GPKOW: variants seen among roughly 807,000 people sequenced by gnomAD.
GPKOW encodes the protein G-patch domain and KOW motifs-containing protein.
For synonymous variants in GPKOW, 167 were observed against 159.1 expected (o/e 1.05, Z -0.37); for missense variants, 359 against 404.7 (o/e 0.89, Z 0.97).
intron 5 of GPKOW, 99 bp from the exon 6 acceptor site, chrX:49,117,261 C>T (rs1468355931): frequency 1.1e-6 from 1 of 889,230 alleles, no homozygotes; most frequent in Non-Finnish European, 1.6e-6. Flanking sequence ...GGCCTGCTTC[C>T]TCTGTCTCCC....
intron 4 of GPKOW, among the ~76,000 whole-genome samples, chrX:49,119,123 T>C (rs1368743070): frequency 9.2e-6 from 1 of 108,122 alleles, no homozygotes; most frequent in African/African-American, 3.4e-5. Context: ...GGCTAATTTT[T>C]TGTATTTTTT....
chrX:49,123,301 T>G (rs992100827), intron 1 of GPKOW, among the ~76,000 whole-genome samples: 5 of 111,614 alleles, frequency 4.5e-5, no homozygotes, highest in African/African-American at 1.6e-4. Flanking sequence ...GCACAGACCT[T>G]AGTGTCTTCA....
At chrX:49,117,836 G>A (rs1337577788) in intron 4 of GPKOW, 26 bp from the exon 5 acceptor site, 2 of 1,026,028 alleles carry the variant, frequency 1.9e-6, no homozygotes, top group East Asian at 6.4e-5. Context: ...TGGGTTTGTT[G>A]GAGAGGATGC....
intron 5 of GPKOW, 70 bp from the exon 6 acceptor site, chrX:49,117,232 C>T (rs1326578719): frequency 9.3e-7 from 1 of 1,078,381 alleles, no homozygotes; most frequent in African/African-American, 1.8e-5. Context: ...ACCAAGATGT[C>T]AACCCCTTAC....
chrX:49,116,961 A>G, intron 6 of GPKOW, 69 bp downstream of exon 6: 1 of 1,013,757 alleles, frequency 9.9e-7, no homozygotes, highest in South Asian at 2.1e-5. Context: ...AAACCACCCC[A>G]TTAGCCAGGC....
chrX:49,114,607 A>AT (rs2065184543), intron 9 of GPKOW, among the ~76,000 whole-genome samples: 1 of 101,519 alleles, frequency 9.9e-6, no homozygotes, highest in African/African-American at 3.6e-5. Context: ...CCAATCTCAA[A>AT]AAAAAAAAAA....
At chrX:49,114,388 C>T (rs1193299963) in intron 9 of GPKOW, among the ~76,000 whole-genome samples, 1 of 107,752 alleles carries the variant, frequency 9.3e-6, no homozygotes, top group African/African-American at 3.4e-5. Flanking sequence ...ATCCACCCTC[C>T]TCGGTCTCCC....
Position 49,115,799 on chromosome X carries a change from G to A in GPKOW, c.1141-4C>T, listed in dbSNP as rs782276733. 2 of 1,200,729 alleles carry A rather than the reference G, an allele frequency of 1.7e-6. No individual in the cohort carries two copies. Among genetic ancestry groups the A allele is most frequent in the Non-Finnish European group, 2.3e-6 (2 of 886,866 alleles). ...TTAGGACATCTTCAATTATCATCTG[G>A]GGATACAGGTCAGGGGGATGTGAGA... On this transcript the variant is annotated splice_polypyrimidine_tract_variant and splice_region_variant and intron_variant, in intron 8 of 10. Coordinates refer to ENST00000156109, the MANE Select transcript of GPKOW (RefSeq NM_015698.6).
In GPKOW at chrX:49,116,314, T is replaced by A. The variant is rs782604782; in HGVS notation, c.923A>T (p.Asn308Ile). Reference protein sequence around the residue: ...DKNTLDLRQQNGTASSRKTLW... With the variant: ...DKNTLDLRQQIGTASSRKTLW... ...GGTCTTCCGTGATGAGGCAGTTCCG[T>A]TCTGTTGCCCTGGGGAAGGAAGTTT... The change falls in exon 7 of 11, where the codon AAC becomes ATC. Residue 308 changes from asparagine (N) to isoleucine (I), a missense_variant. Physicochemically the swap from Asn to Ile is moderately radical, Grantham distance 149. Transcript: ENST00000156109. The A allele has an allele frequency of 2.9e-5, 34 of 1,184,984 alleles. No individual in the cohort carries two copies. The Admixed American group carries it at 7.5e-4, about 26-fold the overall frequency.
At chrX:49,115,079 G>A (rs1048153228) in intron 9 of GPKOW, among the ~76,000 whole-genome samples, 28 of 110,369 alleles carry the variant, frequency 2.5e-4, no homozygotes, top group African/African-American at 7.9e-4. Flanking sequence ...GTAATAAAGG[G>A]TGGTGGTGAT....
intron 3 of GPKOW, 22 bp downstream of exon 3, chrX:49,122,376 G>T: frequency 9.0e-7 from 1 of 1,116,988 alleles, no homozygotes; most frequent in Non-Finnish European, 1.2e-6. Context: ...TGGGGCAGGA[G>T]GGGGACAAGG....
chrX:49,122,415 C>T lies in GPKOW; in HGVS notation c.439G>A (p.Glu147Lys), dbSNP rs782276980. 8 of 1,167,769 alleles carry T rather than the reference C, an allele frequency of 6.9e-6. No homozygotes were observed. Among genetic ancestry groups the T allele is most frequent in the Non-Finnish European group, 8.0e-6 (7 of 875,181 alleles). The change falls in exon 3 of 11, where the codon GAA becomes AAA. Residue 147 changes from glutamate (E) to lysine (K), a missense_variant. Glu to Lys is a moderately conservative substitution (Grantham distance 56, BLOSUM62 1). Transcript: ENST00000156109. Reference protein sequence around the residue: ...CTPSGEGADSEPRAETVPEEA... With the variant: ...CTPSGEGADSKPRAETVPEEA... ...CAGCTCACTGTCTCTGCCCGGGGTT[C>T]GCTGTCTGCCCCTTCCCCGCTGGGG... is the stretch of plus-strand genomic sequence containing the variant.
chrX:49,123,543 T>C lies in GPKOW; in HGVS notation c.176+4A>G. The C allele has an allele frequency of 8.4e-7, 1 of 1,190,551 alleles. No homozygotes were observed. The highest frequency in any genetic ancestry group is 1.1e-6 in the Non-Finnish European group (1 of 885,137). ...TCCAAGGGGTGAAAGACCCGGCGCG[T>C]CACCTCTGCAGCTCCCTCCCTTCCA... is the stretch of plus-strand genomic sequence containing the variant. On this transcript the variant is annotated splice_donor_region_variant and intron_variant, in intron 1 of 10. Coordinates refer to ENST00000156109, the MANE Select transcript of GPKOW (RefSeq NM_015698.6).
intron 4 of GPKOW, 122 bp from the exon 5 acceptor site, chrX:49,117,932 T>C (rs782348512): frequency 2.2e-5 from 10 of 444,498 alleles, no homozygotes; most frequent in East Asian, 1.6e-4. Context: ...CTTTTCTTTT[T>C]TTTTGGAGAT....
chrX:49,119,787 C>G lies in GPKOW; in HGVS notation c.484G>C (p.Val162Leu). 1 of 1,196,159 alleles carries G rather than the reference C, an allele frequency of 8.4e-7. No individual in the cohort carries two copies. Among genetic ancestry groups the G allele is most frequent in the Non-Finnish European group, 1.1e-6 (1 of 882,085 alleles). Residue 162 changes from valine to leucine, a missense_variant, in exon 4 of 11, where the codon GTC becomes CTC. Physicochemically the swap from Val to Leu is conservative, Grantham distance 32 (BLOSUM62 1). Transcript: ENST00000156109. ...GCCAGCCCATAGGCCTCCACGGGGACCGCCTCATAATTAGCCTCCTCTGGC... is the reference window on the plus strand; with the variant it reads ...GCCAGCCCATAGGCCTCCACGGGGAGCGCCTCATAATTAGCCTCCTCTGGC... ...TVPEEANYEA[V>L]PVEAYGLAML...
intron 6 of GPKOW, 58 bp from the exon 7 acceptor site, chrX:49,116,381 A>G: frequency 5.2e-6 from 4 of 770,602 alleles, no homozygotes; most frequent in Non-Finnish European, 8.0e-6. Context: ...GAGAACCAGG[A>G]CAGAGCCTCA....
rs1162901285 is a variant in GPKOW at position 49,113,407 on chromosome X, T to G, written c.*214A>C. On this transcript the variant is annotated 3_prime_UTR_variant, in exon 11 of 11. Transcript: ENST00000156109. ...CTTATGATTTCATCTTTCTATTAAG[T>G]ACTTGAAATGGTTTTTATTATACCC... 2.4e-6 allele frequency: 1 copy of G among 412,148 alleles called. No individual in the cohort carries two copies. The highest frequency in any genetic ancestry group is 4.2e-5 in the Admixed American group (1 of 23,912). 34.0% of individuals were successfully genotyped at this position (412,148 alleles called of 1,213,427 possible).
chrX:49,123,715 T>C lies in GPKOW; in HGVS notation c.8A>G (p.Asp3Gly). Residue 3 changes from aspartate to glycine, a missense_variant, in exon 1 of 11, where the codon GAC becomes GGC. Asp to Gly is a moderately conservative substitution (Grantham distance 94). Coordinates refer to ENST00000156109, the MANE Select transcript of GPKOW (RefSeq NM_015698.6). MA[D>G]SKEGVLPLTA... Reference sequence around the variant, plus strand: ...CAGCGGCAAAACACCCTCTTTGGAGTCAGCCATCTTGCTCCTTTTCCCAGG... The same window carrying C: ...CAGCGGCAAAACACCCTCTTTGGAGCCAGCCATCTTGCTCCTTTTCCCAGG... The C allele has an allele frequency of 8.3e-7, 1 of 1,198,904 alleles. No individual in the cohort carries two copies. Among genetic ancestry groups the C allele is most frequent in the South Asian group, 1.8e-5 (1 of 55,056 alleles).
At chrX:49,117,298 G>A (rs957274941) in intron 5 of GPKOW, 136 bp from the exon 6 acceptor site, 2 of 642,903 alleles carry the variant, frequency 3.1e-6, no homozygotes, top group Non-Finnish European at 4.8e-6. Flanking sequence ...CCTGAGAAGT[G>A]GGACCAGGTC....
Sources: gnomAD v4.1 joint callset for allele counts (sites outside exome capture counted in the v4.1 genomes callset) on GRCh38, gnomAD v4.1.1 for gene constraint, MANE v1.5 for transcripts, NCBI Gene and HGNC (gene_info 2026-07-23, HGNC 2026-07-21) for gene names.